PIKFYVE: variants seen among roughly 807,000 people sequenced by gnomAD.
PIKFYVE encodes phosphoinositide kinase, FYVE-type zinc finger containing.
In PIKFYVE, 122 loss-of-function variants were observed where a neutral mutation model predicts 257.9. The ratio of observed to expected loss-of-function variants is 0.47; its 90% CI spans 0.41 to 0.55. PIKFYVE has a LOEUF of 0.55. Ranked by LOEUF, PIKFYVE falls within the 20% of genes least tolerant of loss-of-function variation. The pLI, the probability that PIKFYVE is intolerant of heterozygous loss-of-function variation, is 0.00. For missense variants in PIKFYVE, 2,160 were observed against 2,536.6 expected (o/e 0.85, Z 3.19); for synonymous variants, 892 against 868.9 (o/e 1.03, Z -0.47).
At chr2:208,336,812 T>C in intron 27 of PIKFYVE, 26 bp from the exon 28 acceptor site, 1 of 1,468,180 alleles carries the variant, frequency 6.8e-7, no homozygotes, top group Non-Finnish European at 9.5e-7. Context: ...ACCATATATA[T>C]ATATATTTTT....
intron 23 of PIKFYVE, among the ~76,000 whole-genome samples, chr2:208,331,847 C>T (rs1697575432): frequency 6.6e-6 from 1 of 152,200 alleles, no homozygotes; most frequent in African/African-American, 2.4e-5. Context: ...GTCTTAGTTT[C>T]ATAATTGTTC....
intron 23 of PIKFYVE, among the ~76,000 whole-genome samples, chr2:208,331,701 T>C (rs1244415817): frequency 6.6e-6 from 1 of 152,216 alleles, no homozygotes. Context: ...CAAAGTGTGC[T>C]TTTGGAAGGC....
rs1467952181 is a variant in PIKFYVE, at chr2:208,325,448, G to T, written c.2637G>T (p.Met879Ile). ...CCTTTCTCATGGATGAATTTGCTAT[G>T]CCTCCCACATTAATGCAAAACCCTT... is the stretch of plus-strand genomic sequence containing the variant. ...EISFLMDEFA[M>I]PPTLMQNPSF... Residue 879 changes from methionine (M) to isoleucine (I), a missense_variant, in exon 20 of 42, where the codon ATG (methionine) becomes ATT (isoleucine). Met to Ile is a conservative substitution (Grantham distance 10). This residue lies in a region of PIKFYVE where 522 missense variants were observed against 514.6 expected (regional missense o/e 1.01). Transcript: ENST00000264380. The T allele has an allele frequency of 6.2e-7, 1 of 1,614,070 alleles. No homozygotes were observed. Among genetic ancestry groups the T allele is most frequent in the Non-Finnish European group, 8.5e-7 (1 of 1,180,002 alleles).
rs1559139258 is a variant in PIKFYVE, at chr2:208,329,884, AG to A, written c.3764del (p.Gly1255GlufsTer4). 1 of 1,610,798 alleles carries A rather than the reference AG, an allele frequency of 6.2e-7. No individual in the cohort carries two copies. Among genetic ancestry groups the A allele is most frequent in the African/African-American group, 1.3e-5 (1 of 74,986 alleles). On this transcript the variant is annotated frameshift_variant, in exon 22 of 42. Transcript: ENST00000264380. LOFTEE classifies it high-confidence loss of function. ...TTTATGGAAAGAATGATCTTACATT[AG>A]GAATATTTTTAGAGAGATACTGTTT... ...EFYGKNDLTL[G>X]IFLERYCFRP...
chr2:208,286,020 C>T (rs1466404888), intron 6 of PIKFYVE, 87 bp downstream of exon 6: 13 of 1,286,274 alleles, frequency 1.0e-5, no homozygotes, highest in Middle Eastern at 2.0e-4. Context: ...AACACTTACC[C>T]TCTTAGAATT....
At position 208,339,497 on chromosome 2, in the gene PIKFYVE, C is replaced by T. The variant is rs769772507; in HGVS notation, c.4752C>T (p.Val1584=). ...TCCAATTGCCTACGCCACCTGAAGTCATGTCTGAACAGTCAGTGGGAGGGC... is the reference window on the plus strand; with the variant it reads ...TCCAATTGCCTACGCCACCTGAAGTTATGTCTGAACAGTCAGTGGGAGGGC... ...THLQLPTPPE[V]MSEQSVGGPP... is the part of the protein sequence containing the mutation. Residue 1584 remains valine (V), a synonymous_variant, in exon 30 of 42, where the codon GTC becomes GTT. Transcript: ENST00000264380. 2.5e-6 allele frequency: 4 copies of T among 1,614,170 alleles called. No individual in the cohort carries two copies. Among genetic ancestry groups the T allele is most frequent in the South Asian group, 2.2e-5 (2 of 91,072 alleles).
In PIKFYVE at chr2:208,304,874, A is replaced by G. The variant is rs1454165190; in HGVS notation, c.1497A>G (p.Ser499=). The change falls in exon 12 of 42, where the codon TCA becomes TCG. Residue 499 remains serine, a synonymous_variant. Transcript: ENST00000264380. The part of the protein sequence containing the change: ...ANSASPSKRT[S]VSSFQSTVDS... ...CTGCCAGTCCTAGCAAGCGCACATC[A>G]GTCAGCAGTTTCCAGTCCACAGTGG... 11 of 1,614,040 alleles carry G rather than the reference A, an allele frequency of 6.8e-6. No homozygotes were observed. The highest frequency in any genetic ancestry group is 9.3e-6 in the Non-Finnish European group (11 of 1,180,030).
At chr2:208,277,786 G>C in intron 5 of PIKFYVE, 78 bp downstream of exon 5, 1 of 1,506,658 alleles carries the variant, frequency 6.6e-7, no homozygotes. Flanking sequence ...ATAGTGTTAA[G>C]CCAATTTTCA....
chr2:208,312,168 A>T, intron 12 of PIKFYVE, 68 bp from the exon 13 acceptor site: 4 of 1,118,010 alleles, frequency 3.6e-6, no homozygotes, highest in Non-Finnish European at 5.5e-6. Flanking sequence ...CTATATAATT[A>T]TGCTGACATG....
chr2:208,306,510 T>G (rs368987315), intron 12 of PIKFYVE, among the ~76,000 whole-genome samples: 1 of 152,246 alleles, frequency 6.6e-6, no homozygotes, highest in South Asian at 2.1e-4. Context: ...TTTCATCTCT[T>G]GGAATGTTAA....
intron 7 of PIKFYVE, among the ~76,000 whole-genome samples, chr2:208,295,353 A>C (rs1054947020): frequency 1.2e-4 from 19 of 152,232 alleles, no homozygotes; most frequent in African/African-American, 4.3e-4. Flanking sequence ...AAATTGTAAC[A>C]GTGGTACATT....
At chr2:208,267,984 A>G (rs1293418160) in intron 1 of PIKFYVE, among the ~76,000 whole-genome samples, 1 of 152,214 alleles carries the variant, frequency 6.6e-6, no homozygotes, top group Non-Finnish European at 1.5e-5. Flanking sequence ...AGGTCTGCAT[A>G]TATTAGTAGC....
chr2:208,337,481 A>G (rs1021327543), intron 28 of PIKFYVE, among the ~76,000 whole-genome samples: 4 of 152,094 alleles, frequency 2.6e-5, no homozygotes, highest in Admixed American at 2.6e-4. Context: ...TAGATATAAT[A>G]CTTAGGATTA....
In PIKFYVE at chr2:208,324,268, A is replaced by G. The variant is rs758403236; in HGVS notation, c.2317A>G (p.Ile773Val). The stretch of plus-strand genomic sequence containing the variant: ...ATTGGAACATGGCATTACTTTGGTC[A>G]TTAATGTAAAGTCAGTGAGTGTTTT... ...MLLEHGITLV[I>V]NVKSQVLERI... Residue 773 changes from isoleucine (I) to valine (V), a missense_variant, in exon 18 of 42, where the codon ATT becomes GTT. Physicochemically the swap from Ile to Val is conservative, Grantham distance 29. Around this residue, in one of 12 missense-constraint regions of PIKFYVE, gnomAD observed 346 missense variants for 365.6 expected, o/e 0.95. Transcript: ENST00000264380. 3.7e-6 allele frequency: 6 copies of G among 1,614,006 alleles called. No individual in the cohort carries two copies. Among genetic ancestry groups the G allele is most frequent in the South Asian group, 1.1e-5 (1 of 91,072 alleles).
rs779507647 is a variant in PIKFYVE at position 208,354,613 on chromosome 2, T to C, written c.6149T>C (p.Val2050Ala). The C allele has an allele frequency of 1.1e-5, 17 of 1,613,442 alleles. No individual in the cohort carries two copies. The highest frequency in any genetic ancestry group is 8.5e-7 in the Non-Finnish European group (1 of 1,179,558). ...TFTWDKKLEMVVKSTGILGGQ... is the reference protein window; with the variant it reads ...TFTWDKKLEMAVKSTGILGGQ... ...ACATGGGACAAAAAGCTTGAGATGG[T>C]TGTGAAATCAACAGGAATTTTAGGT... The change falls in exon 41 of 42, where the codon GTT becomes GCT. Residue 2050 changes from valine (V) to alanine (A), a missense_variant. Around this residue, in one of 12 missense-constraint regions of PIKFYVE, gnomAD observed 38 missense variants for 77.7 expected, o/e 0.49. Transcript: ENST00000264380.
intron 7 of PIKFYVE, among the ~76,000 whole-genome samples, chr2:208,289,640 C>T (rs1574469713): frequency 6.6e-6 from 1 of 152,074 alleles, no homozygotes; most frequent in East Asian, 1.9e-4. Context: ...CCGTGTTAGC[C>T]AGGATGGTCT....
intron 35 of PIKFYVE, among the ~76,000 whole-genome samples, chr2:208,348,836 G>T (rs1045378260): frequency 4.6e-5 from 7 of 151,992 alleles, no homozygotes; most frequent in African/African-American, 1.7e-4. Flanking sequence ...TATAGAAATA[G>T]TTTGGTGACC....
intron 3 of PIKFYVE, among the ~76,000 whole-genome samples, chr2:208,275,992 A>G (rs141823535): frequency 6.6e-6 from 1 of 152,224 alleles, no homozygotes; most frequent in Non-Finnish European, 1.5e-5. Flanking sequence ...CTTATTAGTG[A>G]TAGATTTGGC....
At chr2:208,285,075 T>A in intron 5 of PIKFYVE, among the ~76,000 whole-genome samples, 1 of 152,146 alleles carries the variant, frequency 6.6e-6, no homozygotes, top group South Asian at 2.1e-4. Flanking sequence ...CATTTTGTTT[T>A]GTTTTGTTTT....
Sources: allele counts gnomAD v4.1 joint callset (sites outside exome capture counted in the v4.1 genomes callset), GRCh38; gene constraint gnomAD v4.1.1; regional missense constraint gnomAD v4.1.1; transcripts MANE v1.5; gene names NCBI Gene and HGNC (gene_info 2026-07-23, HGNC 2026-07-21).